The following PCDHA4 variants were observed in gnomAD, a reference collection of about 807,000 sequenced individuals.
PCDHA4 encodes the protein protocadherin alpha 4.
Under a neutral mutation model 61.4 loss-of-function variants are expected in PCDHA4, and 49 were observed. That is an observed-to-expected ratio of 0.80 (90% CI 0.63 to 1.01). The LOEUF is 1.01. Among genes scored for constraint, PCDHA4 ranks in the 50% least tolerant of loss-of-function variants. PCDHA4 has a pLI of 0.00. For missense variants in PCDHA4, 1,254 were observed against 1,235.8 expected (o/e 1.01, Z -0.22); for synonymous variants, 590 against 550.3 (o/e 1.07, Z -1.01).
chr5:140,828,505 A>T (rs2150156185), intron 1 of PCDHA4: 1 of 1,614,210 alleles, frequency 6.2e-7, no homozygotes, highest in South Asian at 1.1e-5. Flanking sequence ...TAGAGGAACA[A>T]AGAGTGCTGA....
intron 1 of PCDHA4, chr5:140,928,068 C>G: frequency 1.2e-6 from 2 of 1,614,214 alleles, no homozygotes; most frequent in South Asian, 2.2e-5. Context: ...CTTCCTTTGA[C>G]AACTACTACA....
intron 3 of PCDHA4, among the ~76,000 whole-genome samples, chr5:140,984,059 C>G (rs1269975627): frequency 6.6e-6 from 1 of 152,108 alleles, no homozygotes; most frequent in East Asian, 1.9e-4. Context: ...CAAATCTGTA[C>G]CCTCAGTGCC....
At chr5:140,821,010 C>T (rs1020612182) in intron 1 of PCDHA4, among the ~76,000 whole-genome samples, 1 of 151,734 alleles carries the variant, frequency 6.6e-6, no homozygotes, top group African/African-American at 2.4e-5. Context: ...AGGTTTTCAT[C>T]GATTTGAAAA....
intron 3 of PCDHA4, among the ~76,000 whole-genome samples, chr5:140,992,722 C>T (rs1455058842): frequency 1.3e-5 from 2 of 152,154 alleles, no homozygotes; most frequent in Non-Finnish European, 2.9e-5. Context: ...ATTCGTAAAT[C>T]CCACCTGCTT....
rs78283049 is a variant in PCDHA4 at position 140,938,200 on chromosome 5, C to G, written c.2386-40749C>G. 2.3e-3 allele frequency among the ~76,000 whole-genome samples: 352 copies of G among 152,306 alleles called. 1 individual carries two copies. The highest frequency in any genetic ancestry group is 8.1e-3 in the African/African-American group (335 of 41,568). On this transcript the variant is annotated intron_variant, in intron 1 of 3. Coordinates refer to ENST00000530339, the MANE Select transcript of PCDHA4 (RefSeq NM_018907.4). ...GGCTCAAGCAATCCTCCCACGCCAG[C>G]CTCCCAAAGTGCTGGGATTACAGGC... is the stretch of plus-strand genomic sequence containing the variant.
intron 1 of PCDHA4, among the ~76,000 whole-genome samples, chr5:140,970,659 T>C (rs1243959173): frequency 4.6e-5 from 7 of 152,238 alleles, no homozygotes; most frequent in Non-Finnish European, 2.9e-5. Context: ...AATTGTTATC[T>C]TTCCAAATAA....
intron 1 of PCDHA4, among the ~76,000 whole-genome samples, chr5:140,886,777 G>A (rs2061124221): frequency 1.4e-5 from 2 of 140,408 alleles, no homozygotes; most frequent in South Asian, 4.7e-4. Flanking sequence ...AGTGAGATGA[G>A]ATCATGCTAC....
At chr5:140,958,078 G>A (rs1447110228) in intron 1 of PCDHA4, among the ~76,000 whole-genome samples, 1 of 152,064 alleles carries the variant, frequency 6.6e-6, no homozygotes, top group Admixed American at 6.6e-5. Flanking sequence ...GAAGCAAAAA[G>A]TAAAGTTGTA....
rs782721036 is a variant in PCDHA4 at position 140,808,843 on chromosome 5, G to A, written c.1656G>A (p.Gln552=). The part of the protein sequence containing the change: ...VPPLGSNVTL[Q]VFVLDENDNA... ...CTCTGGGCAGCAACGTGACGCTGCAGGTGTTCGTGCTGGACGAAAACGACA... is the reference window on the plus strand; with the variant it reads ...CTCTGGGCAGCAACGTGACGCTGCAAGTGTTCGTGCTGGACGAAAACGACA... Residue 552 remains glutamine, a synonymous_variant, in exon 1 of 4, where the codon CAG becomes CAA. Transcript: ENST00000530339. 3.7e-6 allele frequency: 6 copies of A among 1,613,058 alleles called. No homozygotes were observed. Among genetic ancestry groups the A allele is most frequent in the Admixed American group, 1.7e-5 (1 of 60,006 alleles).
intron 1 of PCDHA4, chr5:140,823,211 G>T (rs2150123519): frequency 1.2e-6 from 2 of 1,613,796 alleles, no homozygotes; most frequent in Non-Finnish European, 1.7e-6. Flanking sequence ...GTGTCTGCAC[G>T]GGACGCGGAC....
intron 1 of PCDHA4, among the ~76,000 whole-genome samples, chr5:140,950,025 T>C (rs907309880): frequency 6.6e-6 from 1 of 151,922 alleles, no homozygotes; most frequent in East Asian, 1.9e-4. Context: ...TCATAAAATA[T>C]AGAAAAGTTA....
Position 140,869,318 on chromosome 5 carries a change from G to C in PCDHA4, c.2385+59746G>C, listed in dbSNP as rs1373742506. ...TTCCGGGTGGCGTCCAAAACACATG[G>C]GGACCTTCTGGAGGTAAATCTGCAG... On this transcript the variant is annotated intron_variant, in intron 1 of 3. Coordinates refer to ENST00000530339, the MANE Select transcript of PCDHA4 (RefSeq NM_018907.4). 3 of 1,613,688 alleles carry C rather than the reference G, an allele frequency of 1.9e-6. No individual in the cohort carries two copies. Among genetic ancestry groups the C allele is most frequent in the Non-Finnish European group, 2.5e-6 (3 of 1,180,020 alleles).
At position 140,871,554 on chromosome 5, in the gene PCDHA4, T is replaced by G. The variant is rs1554165730; in HGVS notation, c.2385+61982T>G. On this transcript the variant is annotated intron_variant, in intron 1 of 3. Transcript: ENST00000530339. The stretch of plus-strand genomic sequence containing the variant: ...GTATGTGAAATTATTTAAAATCCAG[T>G]TTTTTTTCACGGATTTTTTAAGGGA... 18 of 1,487,284 alleles carry G rather than the reference T, an allele frequency of 1.2e-5. 1 individual carries two copies. The highest frequency in any genetic ancestry group is 1.8e-4 in the Middle Eastern group (1 of 5,534). The allele number at this position is 1,487,284 out of a possible 1,614,324, so 92.1% of individuals were successfully genotyped here.
In PCDHA4 at chr5:140,829,505, T is replaced by C. The variant is rs1470600823; in HGVS notation, c.2385+19933T>C. 1.4e-5 allele frequency: 22 copies of C among 1,613,588 alleles called. No homozygotes were observed. The highest frequency in any genetic ancestry group is 1.9e-5 in the Non-Finnish European group (22 of 1,179,954). ...CGTGAAGGAGAACAACCCGCCGGGC[T>C]GCCACATCTTCACGGTGTCTGCGCG... On this transcript the variant is annotated intron_variant, in intron 1 of 3. Transcript: ENST00000530339.
At chr5:140,821,267 A>G (rs1472795848) in intron 1 of PCDHA4, among the ~76,000 whole-genome samples, 1 of 152,200 alleles carries the variant, frequency 6.6e-6, no homozygotes, top group Non-Finnish European at 1.5e-5. Context: ...AGTTATTTTT[A>G]TCAGTTTGGA....
chr5:140,833,154 TA>T (rs1772333150), intron 1 of PCDHA4, among the ~76,000 whole-genome samples: 1 of 152,084 alleles, frequency 6.6e-6, no homozygotes, highest in Admixed American at 6.6e-5. Context: ...GCAATACGAA[TA>T]AAAAGTATTA....
chr5:140,966,767 A>G, intron 1 of PCDHA4: 1 of 1,484,362 alleles, frequency 6.7e-7, no homozygotes, highest in Non-Finnish European at 8.9e-7. Context: ...GCCAGTGGCT[A>G]TGGAGCAGGC....
chr5:140,853,171 G>A lies in PCDHA4; in HGVS notation c.2385+43599G>A, dbSNP rs2150529478. On this transcript the variant is annotated intron_variant, in intron 1 of 3. Coordinates refer to ENST00000530339, the MANE Select transcript of PCDHA4 (RefSeq NM_018907.4). ...TGGGATTACAGGCGTGAGCCACCGC[G>A]CCTGGCCTAAAATGTGTTCTTTATT... 22 of 965,136 alleles carry A rather than the reference G, an allele frequency of 2.3e-5. 1 individual carries two copies. Among genetic ancestry groups the A allele is most frequent in the Non-Finnish European group, 2.4e-5 (19 of 799,766 alleles). 59.8% of individuals were successfully genotyped at this position (965,136 alleles called of 1,614,324 possible).
intron 1 of PCDHA4, among the ~76,000 whole-genome samples, chr5:140,818,867 A>G (rs1335170198): frequency 6.6e-6 from 1 of 152,204 alleles, no homozygotes; most frequent in Non-Finnish European, 1.5e-5. Flanking sequence ...GAGGCATAAA[A>G]AAGATGCCTG....
Sources: allele counts gnomAD v4.1 joint callset (sites outside exome capture counted in the v4.1 genomes callset), GRCh38; gene constraint gnomAD v4.1.1; transcripts MANE v1.5; gene names NCBI Gene and HGNC (gene_info 2026-07-23, HGNC 2026-07-21).